Variants in LRP1B observed in about 807,000 individuals in gnomAD.
The protein encoded by LRP1B is LDL receptor related protein 1B, also known as low-density lipoprotein receptor-related protein 1B.
LRP1B carries 217 observed loss-of-function variants against 556.6 expected under a neutral mutation model. That is an observed-to-expected ratio of 0.39 (90% CI 0.35 to 0.44). The LOEUF (loss-of-function observed/expected upper bound fraction) is 0.44. Among genes scored for constraint, LRP1B ranks in the 20% least tolerant of loss-of-function variants. LRP1B has a pLI of 1.00. For missense variants in LRP1B, 5,053 were observed against 5,620.8 expected (o/e 0.90, Z 3.23); for synonymous variants, 2,047 against 1,865.8 (o/e 1.10, Z -2.50).
intron 2 of LRP1B, among the ~76,000 whole-genome samples, chr2:141,616,832 C>T (rs2105330101): frequency 6.6e-6 from 1 of 152,266 alleles, no homozygotes; most frequent in South Asian, 2.1e-4. Context: ...TGTTTTTCTG[C>T]CTTATTCAGT....
intron 7 of LRP1B, among the ~76,000 whole-genome samples, chr2:141,143,118 A>G (rs1701697448): frequency 6.6e-6 from 1 of 151,722 alleles, no homozygotes; most frequent in East Asian, 1.9e-4. Context: ...TTTAGTAAAG[A>G]CGGGGTTTCA....
intron 79 of LRP1B, among the ~76,000 whole-genome samples, chr2:140,329,699 G>C (rs1460461240): frequency 6.6e-6 from 1 of 151,702 alleles, no homozygotes; most frequent in African/African-American, 2.4e-5. Flanking sequence ...GGAGGTGAAG[G>C]ACCTGTTCAA....
intron 1 of LRP1B, among the ~76,000 whole-genome samples, chr2:141,855,048 T>C (rs1279548604): frequency 1.3e-5 from 2 of 151,940 alleles, no homozygotes; most frequent in Non-Finnish European, 2.9e-5. Context: ...ATGAACGAAA[T>C]TTTGTTTTCT....
rs1559130949 is a variant in LRP1B at position 141,544,322 on chromosome 2, C to CTTCTTCTTCTTCTTCTTCTTCTT, written c.206-63812_206-63790dup. Among the ~76,000 whole-genome samples, 101 of 50,406 alleles carry CTTCTTCTTCTTCTTCTTCTTCTT rather than the reference C, an allele frequency of 2.0e-3. 3 individuals are homozygous for CTTCTTCTTCTTCTTCTTCTTCTT. Among genetic ancestry groups the CTTCTTCTTCTTCTTCTTCTTCTT allele is most frequent in the South Asian group, 5.9e-3 (4 of 678 alleles). 33.1% of individuals were successfully genotyped at this position (50,406 alleles called of 152,430 possible). On this transcript the variant is annotated intron_variant, in intron 2 of 90. Transcript: ENST00000389484. The stretch of plus-strand genomic sequence containing the variant: ...TCTTCTTCTTCTTCTTCTTCTTCTT[C>CTTCTTCTTCTTCTTCTTCTTCTT]TTCTTCTTCTTCTTCTTCTTCTTCT...
At chr2:141,902,268 C>A (rs1235810195) in intron 1 of LRP1B, among the ~76,000 whole-genome samples, 1 of 151,638 alleles carries the variant, frequency 6.6e-6, no homozygotes, top group Non-Finnish European at 1.5e-5. Flanking sequence ...ATATTCACAT[C>A]CTACTAAAAG....
chr2:141,065,053 G>A (rs7559327), intron 7 of LRP1B, among the ~76,000 whole-genome samples: 73,393 of 151,550 alleles, frequency 0.48, 18,867 homozygotes, highest in Non-Finnish European at 0.58. Flanking sequence ...AGTCTTTGCC[G>A]GAGCCATAAA....
At chr2:140,345,301 A>G (rs1329705722) in intron 77 of LRP1B, among the ~76,000 whole-genome samples, 3 of 151,806 alleles carry the variant, frequency 2.0e-5, no homozygotes, top group African/African-American at 7.2e-5. Flanking sequence ...AATCTCTGCC[A>G]TGAAATTTGT....
intron 82 of LRP1B, among the ~76,000 whole-genome samples, chr2:140,319,814 A>G (rs17477262): frequency 0.042 from 6,320 of 152,236 alleles, 149 homozygotes; most frequent in South Asian, 0.097. Context: ...GATAACAGCT[A>G]CTCTGACTGG....
chr2:140,291,320 T>TATATATATATATATATACATATATA (rs745524571), intron 84 of LRP1B, among the ~76,000 whole-genome samples: 4 of 51,854 alleles, frequency 7.7e-5, no homozygotes, highest in Non-Finnish European at 1.5e-4. Flanking sequence ...ATATATATAT[T>TATATATATATATATATACATATATA]TTTATTATAC....
intron 1 of LRP1B, among the ~76,000 whole-genome samples, chr2:142,015,943 G>T (rs1186005502): frequency 1.7e-5 from 2 of 119,934 alleles, no homozygotes; most frequent in Non-Finnish European, 3.2e-5. Flanking sequence ...AGTGAGCCGA[G>T]ATCGTGCCAC....
chr2:140,978,290 C>A (rs923724550), intron 18 of LRP1B, among the ~76,000 whole-genome samples: 7 of 152,172 alleles, frequency 4.6e-5, no homozygotes, highest in African/African-American at 1.7e-4. Context: ...GCACCTTCAA[C>A]TCCTAATTAC....
intron 77 of LRP1B, among the ~76,000 whole-genome samples, chr2:140,345,791 CATATATACAT>C (rs1681634616): frequency 8.7e-6 from 1 of 114,896 alleles, no homozygotes; most frequent in Non-Finnish European, 1.9e-5. Context: ...TATATATACA[CATATATACAT>C]ATATACACAT....
intron 3 of LRP1B, among the ~76,000 whole-genome samples, chr2:141,445,019 T>A (rs1359773383): frequency 6.6e-6 from 1 of 152,224 alleles, no homozygotes; most frequent in Non-Finnish European, 1.5e-5. Flanking sequence ...CTCCTCTCTG[T>A]ACCTCTGGTA....
intron 32 of LRP1B, among the ~76,000 whole-genome samples, chr2:140,785,884 C>T (rs1689881737): frequency 1.3e-5 from 2 of 152,130 alleles, no homozygotes; most frequent in South Asian, 4.1e-4. Context: ...TTTTCCCTCT[C>T]CACCTCGATT....
intron 1 of LRP1B, among the ~76,000 whole-genome samples, chr2:142,108,248 CT>C (rs1257509301): frequency 6.6e-6 from 1 of 151,878 alleles, no homozygotes; most frequent in Admixed American, 6.6e-5. Flanking sequence ...TAAATCTTTC[CT>C]ATGATTTTAG....
At chr2:140,664,106 T>G (rs1030795946) in intron 41 of LRP1B, among the ~76,000 whole-genome samples, 1 of 152,158 alleles carries the variant, frequency 6.6e-6, no homozygotes, top group African/African-American at 2.4e-5. Context: ...CAGTTTGTGG[T>G]GCCTCAAAAT....
intron 41 of LRP1B, among the ~76,000 whole-genome samples, chr2:140,650,245 T>G (rs1403300833): frequency 6.6e-6 from 1 of 151,650 alleles, no homozygotes; most frequent in Non-Finnish European, 1.5e-5. Context: ...TCAGAAAATT[T>G]AAAAGAGAGG....
intron 66 of LRP1B, among the ~76,000 whole-genome samples, chr2:140,439,438 C>A (rs1396882435): frequency 6.6e-6 from 1 of 152,060 alleles, no homozygotes; most frequent in Non-Finnish European, 1.5e-5. Flanking sequence ...GAACTATTAA[C>A]AACTCACAAA....
intron 7 of LRP1B, among the ~76,000 whole-genome samples, chr2:141,151,074 G>A (rs12986471): frequency 0.52 from 78,443 of 151,914 alleles, 21,155 homozygotes; most frequent in Middle Eastern, 0.68. Context: ...TACAACATGC[G>A]TATCAGACAG....
Sources: allele counts gnomAD v4.1 joint callset (sites outside exome capture counted in the v4.1 genomes callset), GRCh38; gene constraint gnomAD v4.1.1; transcripts MANE v1.5; gene names NCBI Gene and HGNC (gene_info 2026-07-23, HGNC 2026-07-21).